Variants in PPP2R2C observed in about 807,000 individuals in gnomAD.
The protein encoded by PPP2R2C is protein phosphatase 2 regulatory subunit Bgamma.
PPP2R2C carries 10 observed loss-of-function variants against 45.3 expected under a neutral mutation model. The ratio of observed to expected loss-of-function variants is 0.22; its 90% CI spans 0.14 to 0.37. PPP2R2C has a LOEUF of 0.37. PPP2R2C is among the 10% of genes least tolerant of loss of function. The probability of loss-of-function intolerance (pLI) is 1.00; values close to 1 mark genes in which losing one functional copy is unlikely to be tolerated. For missense variants in PPP2R2C, 308 were observed against 619.7 expected (o/e 0.50, Z 5.34); for synonymous variants, 257 against 245.4 (o/e 1.05, Z -0.44).
chr4:6,355,992 GGAAAAA>G (rs1713144006), intron 5 of PPP2R2C, among the ~76,000 whole-genome samples: 1 of 24,320 alleles, frequency 4.1e-5, no homozygotes, highest in African/African-American at 9.9e-5. Flanking sequence ...GACTCTGCCT[GGAAAAA>G]AAAAAAAAAA....
chr4:6,383,148 C>A, intron 1 of PPP2R2C: 1 of 1,160,980 alleles, frequency 8.6e-7, no homozygotes, highest in Non-Finnish European at 1.1e-6. Context: ...GGGTTGCCAT[C>A]AACGCCTCTG....
intron 2 of PPP2R2C, among the ~76,000 whole-genome samples, chr4:6,513,300 T>C (rs567778998): frequency 2.0e-5 from 3 of 152,212 alleles, no homozygotes; most frequent in Non-Finnish European, 2.9e-5. Context: ...TGGAATACGA[T>C]GGAGTCAGTC....
At chr4:6,512,482 G>T (rs1251661990) in intron 2 of PPP2R2C, among the ~76,000 whole-genome samples, 1 of 113,584 alleles carries the variant, frequency 8.8e-6, no homozygotes, top group Middle Eastern at 6.0e-3. Flanking sequence ...GGTAGTGGTG[G>T]TGATGGTGAT....
chr4:6,550,373 C>G (rs560744468), intron 1 of PPP2R2C, among the ~76,000 whole-genome samples: 11 of 152,306 alleles, frequency 7.2e-5, no homozygotes, highest in African/African-American at 2.6e-4. Flanking sequence ...CCACTACCCT[C>G]TGCAGCCTCA....
chr4:6,336,661 C>T (rs184667505), intron 6 of PPP2R2C, among the ~76,000 whole-genome samples: 22 of 4,012 alleles, frequency 5.5e-3, no homozygotes, highest in South Asian at 0.015. Flanking sequence ...CCCTCCCTCC[C>T]TCCCTGCTTC....
At chr4:6,452,967 C>T (rs1351975660) in intron 1 of PPP2R2C, among the ~76,000 whole-genome samples, 1 of 152,240 alleles carries the variant, frequency 6.6e-6, no homozygotes, top group African/African-American at 2.4e-5. Flanking sequence ...ACACTGCAGG[C>T]AGCCTGTGGT....
At chr4:6,355,620 G>A (rs998052841) in intron 5 of PPP2R2C, among the ~76,000 whole-genome samples, 15 of 151,446 alleles carry the variant, frequency 9.9e-5, no homozygotes, top group African/African-American at 2.4e-4. Flanking sequence ...GGAGTGGATC[G>A]TCACTGACAA....
intron 1 of PPP2R2C, among the ~76,000 whole-genome samples, chr4:6,547,871 T>A (rs181079742): frequency 2.6e-5 from 4 of 152,272 alleles, no homozygotes; most frequent in Admixed American, 2.6e-4. Context: ...AAGTCTCAGA[T>A]AAGCACATAA....
At chr4:6,492,415 A>G (rs939580057) in intron 2 of PPP2R2C, among the ~76,000 whole-genome samples, 6 of 152,116 alleles carry the variant, frequency 3.9e-5, no homozygotes. Flanking sequence ...GGGGTAGGGG[A>G]TGCTATAAGA....
At chr4:6,360,531 C>T (rs1162238271) in intron 5 of PPP2R2C, among the ~76,000 whole-genome samples, 1 of 152,198 alleles carries the variant, frequency 6.6e-6, no homozygotes, top group Non-Finnish European at 1.5e-5. Context: ...ACCAAGCAGC[C>T]ACCGGAGTTA....
chr4:6,536,030 C>T (rs1724601132), intron 1 of PPP2R2C, among the ~76,000 whole-genome samples: 2 of 152,222 alleles, frequency 1.3e-5, no homozygotes, highest in South Asian at 4.1e-4. Context: ...ACCCCCACCC[C>T]TGACAGCTTC....
chr4:6,460,471 A>G (rs1185525656), intron 1 of PPP2R2C, among the ~76,000 whole-genome samples: 1 of 152,218 alleles, frequency 6.6e-6, no homozygotes, highest in African/African-American at 2.4e-5. Flanking sequence ...ACTGCCCGGT[A>G]TGTGGCACTG....
intron 1 of PPP2R2C, among the ~76,000 whole-genome samples, chr4:6,443,243 C>T (rs555991327): frequency 1.8e-4 from 28 of 152,360 alleles, no homozygotes; most frequent in African/African-American, 6.0e-4. Flanking sequence ...TAATTCCACA[C>T]ATGCTCTGGC....
intron 2 of PPP2R2C, among the ~76,000 whole-genome samples, chr4:6,487,480 C>T (rs1430054232): frequency 2.6e-5 from 4 of 151,864 alleles, no homozygotes; most frequent in African/African-American, 9.7e-5. Context: ...GGTATGAACT[C>T]TAGTTTGACT....
chr4:6,510,483 T>C (rs1004940315), intron 2 of PPP2R2C, among the ~76,000 whole-genome samples: 1 of 152,234 alleles, frequency 6.6e-6, no homozygotes, highest in Admixed American at 6.5e-5. Flanking sequence ...ATGGTGCTTA[T>C]ATGTACCCGA....
intron 1 of PPP2R2C, among the ~76,000 whole-genome samples, chr4:6,442,850 G>C (rs1297527319): frequency 6.6e-6 from 1 of 152,222 alleles, no homozygotes; most frequent in East Asian, 1.9e-4. Context: ...CACAGCCCCA[G>C]CACCGAGCAG....
At chr4:6,408,678 G>A (rs1419821249) in intron 1 of PPP2R2C, among the ~76,000 whole-genome samples, 2 of 152,128 alleles carry the variant, frequency 1.3e-5, no homozygotes, top group Non-Finnish European at 2.9e-5. Flanking sequence ...AAGCCTGGGC[G>A]GGGCCTGGGA....
Position 6,332,088 on chromosome 4 carries a change from C to T in PPP2R2C, c.960+1474G>A, listed in dbSNP as rs1053316133. On this transcript the variant is annotated intron_variant, in intron 7 of 8. Transcript: ENST00000382599. The surrounding 1 kb of genome is among the most constrained non-coding windows in gnomAD (Gnocchi z 4.9). ...TCATGAGAATTTCAGAAAGCTGTGTCCCCCTCCCCCTGAAAATGCTCATAG... is the reference window on the plus strand; with the variant it reads ...TCATGAGAATTTCAGAAAGCTGTGTTCCCCTCCCCCTGAAAATGCTCATAG... Among the ~76,000 whole-genome samples the T allele has an allele frequency of 6.6e-6, 1 of 152,214 alleles. No individual in the cohort carries two copies. The highest frequency in any genetic ancestry group is 1.5e-5 in the Non-Finnish European group (1 of 68,036).
At chr4:6,348,110 C>T in intron 5 of PPP2R2C, 100 bp from the exon 6 acceptor site, 2 of 1,386,048 alleles carry the variant, frequency 1.4e-6, no homozygotes, top group Non-Finnish European at 2.0e-6. Context: ...AACCGTCCAC[C>T]CTCGCGTCTG....
Sources: allele counts gnomAD v4.1 joint callset (sites outside exome capture counted in the v4.1 genomes callset), GRCh38; gene constraint gnomAD v4.1.1; non-coding constraint Gnocchi (gnomAD v3.1); transcripts MANE v1.5; gene names NCBI Gene and HGNC (gene_info 2026-07-23, HGNC 2026-07-21).